The following ALK variants were observed in gnomAD, a reference collection of about 807,000 sequenced individuals.
ALK encodes ALK receptor tyrosine kinase.
Under a neutral mutation model 163.1 loss-of-function variants are expected in ALK, and 74 were observed. That is an observed-to-expected ratio of 0.45 (90% CI 0.38 to 0.55). The LOEUF (loss-of-function observed/expected upper bound fraction) is 0.55. ALK is among the 20% of genes least tolerant of loss of function. The pLI, the probability that ALK is intolerant of heterozygous loss-of-function variation, is 0.00. For missense variants in ALK, 2,063 were observed against 2,105.3 expected, an observed-to-expected ratio of 0.98 and a Z score of 0.39; for synonymous variants, 960 against 843.2, an observed-to-expected ratio of 1.14 and a Z score of -2.40.
chr2:29,346,133 T>A (rs756484744), intron 5 of ALK, among the ~76,000 whole-genome samples: 21 of 152,212 alleles, frequency 1.4e-4, no homozygotes, highest in Non-Finnish European at 2.6e-4. Flanking sequence ...AGGCTGATGC[T>A]TACATTCTGA....
intron 5 of ALK, among the ~76,000 whole-genome samples, chr2:29,349,798 G>C (rs1330183365): frequency 1.3e-5 from 2 of 152,222 alleles, no homozygotes; most frequent in Non-Finnish European, 2.9e-5. Context: ...CCTGCTCAGG[G>C]AAGAGCAGCC....
At chr2:29,252,577 C>T (rs773170716) in intron 11 of ALK, among the ~76,000 whole-genome samples, 22 of 152,170 alleles carry the variant, frequency 1.4e-4, no homozygotes, top group Non-Finnish European at 2.5e-4. Flanking sequence ...GGCCAGTTGT[C>T]GTGGGTTTTT....
chr2:29,860,842 C>G (rs1666269549), intron 1 of ALK, among the ~76,000 whole-genome samples: 1 of 152,018 alleles, frequency 6.6e-6, no homozygotes, highest in South Asian at 2.1e-4. Context: ...ACACAACATA[C>G]CAAAACTTAT....
At chr2:29,878,483 C>T (rs1666777820) in intron 1 of ALK, among the ~76,000 whole-genome samples, 1 of 152,158 alleles carries the variant, frequency 6.6e-6, no homozygotes, top group African/African-American at 2.4e-5. Context: ...TTGTAAGGTC[C>T]ATATTTAATC....
At chr2:29,214,805 C>G (rs558577605) in intron 23 of ALK, among the ~76,000 whole-genome samples, 3 of 152,172 alleles carry the variant, frequency 2.0e-5, no homozygotes, top group Admixed American at 2.0e-4. Flanking sequence ...CTGACGTGTG[C>G]GGCAGCTCAG....
chr2:29,893,960 A>G (rs1667207686), intron 1 of ALK, among the ~76,000 whole-genome samples: 1 of 152,194 alleles, frequency 6.6e-6, no homozygotes, highest in Non-Finnish European at 1.5e-5. Flanking sequence ...GTAGTTCTAC[A>G]AAAACCCTTA....
intron 3 of ALK, among the ~76,000 whole-genome samples, chr2:29,610,387 G>A (rs1675658493): frequency 6.6e-6 from 1 of 152,110 alleles, no homozygotes; most frequent in Non-Finnish European, 1.5e-5. Context: ...ATGGCTCCAA[G>A]AACATTAGAA....
chr2:29,837,635 A>C (rs79037674), intron 1 of ALK, among the ~76,000 whole-genome samples: 2,352 of 152,314 alleles, frequency 0.015, 64 homozygotes, highest in African/African-American at 0.054. Context: ...CCCTAGGTTA[A>C]AGACTACTTT....
At chr2:29,456,647 A>G (rs1291135536) in intron 4 of ALK, among the ~76,000 whole-genome samples, 1 of 152,194 alleles carries the variant, frequency 6.6e-6, no homozygotes, top group African/African-American at 2.4e-5. Flanking sequence ...TAATGATTGC[A>G]CAATAATATG....
At chr2:29,299,447 C>T (rs1666304438) in intron 8 of ALK, among the ~76,000 whole-genome samples, 1 of 152,170 alleles carries the variant, frequency 6.6e-6, no homozygotes, top group Non-Finnish European at 1.5e-5. Context: ...GGTCTAAGAC[C>T]TCTAGAATCA....
intron 1 of ALK, among the ~76,000 whole-genome samples, chr2:29,888,610 T>C (rs1667054335): frequency 6.6e-6 from 1 of 152,148 alleles, no homozygotes; most frequent in Admixed American, 6.5e-5. Flanking sequence ...CCAGCTTACC[T>C]GAAAGGAATT....
At chr2:29,507,461 T>C (rs972443913) in intron 4 of ALK, among the ~76,000 whole-genome samples, 1 of 152,152 alleles carries the variant, frequency 6.6e-6, no homozygotes, top group South Asian at 2.1e-4. Context: ...GTGGTGATAG[T>C]TGCAAAGCAA....
intron 4 of ALK, among the ~76,000 whole-genome samples, chr2:29,459,823 T>G (rs1671043720): frequency 6.6e-6 from 1 of 152,170 alleles, no homozygotes; most frequent in African/African-American, 2.4e-5. Flanking sequence ...ACCTCTGAAC[T>G]TATTTTTAAG....
At chr2:29,528,428 A>G (rs1673020601) in intron 4 of ALK, among the ~76,000 whole-genome samples, 1 of 152,190 alleles carries the variant, frequency 6.6e-6, no homozygotes, top group Non-Finnish European at 1.5e-5. Flanking sequence ...GTGGCTCCCT[A>G]GCCGGCTGCT....
chr2:29,342,051 G>T (rs1667808648), intron 5 of ALK, among the ~76,000 whole-genome samples: 1 of 152,110 alleles, frequency 6.6e-6, no homozygotes. Flanking sequence ...GGCATTTTTT[G>T]AATGTGTTAT....
chr2:29,451,140 T>A (rs1292675593), intron 4 of ALK, among the ~76,000 whole-genome samples: 1 of 152,200 alleles, frequency 6.6e-6, no homozygotes, highest in Non-Finnish European at 1.5e-5. Flanking sequence ...ATGTTATATT[T>A]CAAGCAGCCT....
At chr2:29,580,491 C>T (rs1258769254) in intron 3 of ALK, among the ~76,000 whole-genome samples, 5 of 152,172 alleles carry the variant, frequency 3.3e-5, no homozygotes, top group Non-Finnish European at 7.3e-5. Context: ...GCACACGTCT[C>T]CGGTTGACAT....
chr2:29,253,448 G>T (rs1664873521), intron 11 of ALK, among the ~76,000 whole-genome samples: 1 of 152,086 alleles, frequency 6.6e-6, no homozygotes, highest in East Asian at 1.9e-4. Flanking sequence ...GAAGCAAAGG[G>T]GTAGGAAATT....
chr2:29,897,292 A>G, intron 1 of ALK, among the ~76,000 whole-genome samples: 1 of 152,034 alleles, frequency 6.6e-6, no homozygotes, highest in Non-Finnish European at 1.5e-5. Flanking sequence ...AGTGAGCTGA[A>G]ATCGTACCAC....
Sources: allele counts gnomAD v4.1 joint callset (sites outside exome capture counted in the v4.1 genomes callset), GRCh38; gene constraint gnomAD v4.1.1; transcripts MANE v1.5; gene names NCBI Gene and HGNC (gene_info 2026-07-23, HGNC 2026-07-21).